Variants in EML4 observed in about 807,000 individuals in gnomAD.
EML4 encodes the protein echinoderm microtubule-associated protein-like 4.
Under a neutral mutation model 129.0 loss-of-function variants are expected in EML4, and 72 were observed. The ratio of observed to expected loss-of-function variants is 0.56; its 90% CI spans 0.46 to 0.68. The LOEUF is 0.68. EML4 is among the 30% of genes least tolerant of loss of function. The probability of loss-of-function intolerance (pLI) is 0.00; values close to 1 mark genes in which losing one functional copy is unlikely to be tolerated. For synonymous variants in EML4, 532 were observed against 405.0 expected, an observed-to-expected ratio of 1.31 and a Z score of -3.77; for missense variants, 1,363 against 1,190.6, an observed-to-expected ratio of 1.14 and a Z score of -2.13.
intron 17 of EML4, among the ~76,000 whole-genome samples, chr2:42,310,709 T>C (rs947242670): frequency 2.0e-5 from 3 of 152,226 alleles, no homozygotes; most frequent in African/African-American, 7.2e-5. Context: ...TAGTAAAAAC[T>C]TAAATATTTA....
intron 1 of EML4, among the ~76,000 whole-genome samples, chr2:42,195,099 C>A (rs1201545749): frequency 1.3e-5 from 2 of 151,936 alleles, no homozygotes; most frequent in Admixed American, 6.6e-5. Context: ...TTTTTTAGGT[C>A]AGAATTATGG....
Position 42,325,514 on chromosome 2 carries a change from G to A in EML4, c.2202G>A (p.Lys734=), listed in dbSNP as rs1558614384. The change falls in exon 20 of 23, where the codon AAG becomes AAA. Residue 734 remains lysine (K), a synonymous_variant. Coordinates refer to ENST00000318522, the MANE Select transcript of EML4 (RefSeq NM_019063.5). ...ITHLDWSPDN[K]YIMSNSGDYE... The stretch of plus-strand genomic sequence containing the variant: ...ACCTTGACTGGTCCCCAGACAACAA[G>A]TATATAATGTCTAACTCGGGAGACT... 6.4e-7 allele frequency: 1 copy of A among 1,572,812 alleles called. No homozygotes were observed. Among genetic ancestry groups the A allele is most frequent in the East Asian group, 2.3e-5 (1 of 43,758 alleles).
chr2:42,269,535 C>G (rs1405799792), intron 6 of EML4, among the ~76,000 whole-genome samples: 1 of 152,072 alleles, frequency 6.6e-6, no homozygotes, highest in East Asian at 1.9e-4. Flanking sequence ...CTTCATATGT[C>G]AGGAAGGTGA....
chr2:42,285,693 G>T (rs1237826040), intron 9 of EML4, among the ~76,000 whole-genome samples: 2 of 151,468 alleles, frequency 1.3e-5, no homozygotes, highest in Non-Finnish European at 2.9e-5. Context: ...GTGTCTCCCA[G>T]GTTCAAGCAA....
At chr2:42,304,649 G>C (rs1024680742) in intron 17 of EML4, 98 bp downstream of exon 17, 1 of 906,516 alleles carries the variant, frequency 1.1e-6, no homozygotes, top group Non-Finnish European at 1.8e-6. Context: ...AATCTCTTAA[G>C]TGGCACACTA....
chr2:42,278,905 T>C (rs1666816727), intron 6 of EML4, among the ~76,000 whole-genome samples: 1 of 150,914 alleles, frequency 6.6e-6, no homozygotes, highest in Non-Finnish European at 1.5e-5. Flanking sequence ...CATTGCACTC[T>C]AGCCTGGGCA....
chr2:42,200,895 A>C (rs1672191818), intron 1 of EML4, among the ~76,000 whole-genome samples: 1 of 152,156 alleles, frequency 6.6e-6, no homozygotes, highest in Non-Finnish European at 1.5e-5. Flanking sequence ...GCCCACTTAG[A>C]ATGCAGTTTA....
intron 21 of EML4, among the ~76,000 whole-genome samples, chr2:42,327,536 C>T (rs1201841693): frequency 6.6e-6 from 1 of 152,066 alleles, no homozygotes; most frequent in South Asian, 2.1e-4. Context: ...TGTCTAGTTG[C>T]CTTACACCAC....
At chr2:42,320,753 C>T (rs1249594587) in intron 19 of EML4, among the ~76,000 whole-genome samples, 3 of 151,998 alleles carry the variant, frequency 2.0e-5, no homozygotes, top group Non-Finnish European at 4.4e-5. Flanking sequence ...TATTATGTAC[C>T]TGAGTGTCAA....
chr2:42,257,120 GTA>G (rs1362213551), intron 3 of EML4, among the ~76,000 whole-genome samples: 1 of 152,106 alleles, frequency 6.6e-6, no homozygotes, highest in African/African-American at 2.4e-5. Flanking sequence ...GTGTGGGGGT[GTA>G]TGTGTGTGTG....
At chr2:42,312,367 A>G (rs1040150362) in intron 17 of EML4, among the ~76,000 whole-genome samples, 3 of 152,184 alleles carry the variant, frequency 2.0e-5, no homozygotes, top group Non-Finnish European at 4.4e-5. Context: ...ATAACCTCTT[A>G]GAATTCAGGA....
chr2:42,228,095 C>G (rs893056814), intron 1 of EML4, among the ~76,000 whole-genome samples: 2 of 152,090 alleles, frequency 1.3e-5, no homozygotes, highest in African/African-American at 4.8e-5. Context: ...GTGTCACGCA[C>G]CTATAATCCC....
At chr2:42,272,051 T>C (rs186182642) in intron 6 of EML4, among the ~76,000 whole-genome samples, 1,408 of 140,764 alleles carry the variant, frequency 0.01, 28 homozygotes, top group African/African-American at 0.035. Context: ...TGCAGTGAGC[T>C]GAGATCGCAC....
intron 3 of EML4, among the ~76,000 whole-genome samples, chr2:42,258,999 C>T (rs1324821115): frequency 6.6e-6 from 1 of 152,172 alleles, no homozygotes; most frequent in African/African-American, 2.4e-5. Flanking sequence ...GTAATCCCAG[C>T]ACTTTGGGAG....
chr2:42,295,590 A>T, intron 13 of EML4, 74 bp downstream of exon 13: 1 of 1,345,702 alleles, frequency 7.4e-7, no homozygotes, highest in South Asian at 1.5e-5. Flanking sequence ...CTCTTAGACC[A>T]GGAGAGAAAG....
At chr2:42,237,333 C>T (rs1250957684) in intron 1 of EML4, among the ~76,000 whole-genome samples, 2 of 152,174 alleles carry the variant, frequency 1.3e-5, no homozygotes, top group Non-Finnish European at 2.9e-5. Flanking sequence ...GACCAAACAT[C>T]TGAATTCCAT....
At chr2:42,278,640 A>G (rs1666800376) in intron 6 of EML4, among the ~76,000 whole-genome samples, 1 of 147,530 alleles carries the variant, frequency 6.8e-6, no homozygotes, top group Non-Finnish European at 1.5e-5. Flanking sequence ...TTTGTAAAAG[A>G]TGTGTAATAT....
intron 17 of EML4, among the ~76,000 whole-genome samples, chr2:42,313,137 A>G (rs1388075614): frequency 1.3e-5 from 2 of 150,222 alleles, no homozygotes; most frequent in Non-Finnish European, 3.0e-5. Flanking sequence ...CTTAGTAGAG[A>G]TGGGGTTTCA....
At chr2:42,206,991 AG>A (rs1245474132) in intron 1 of EML4, among the ~76,000 whole-genome samples, 2 of 152,202 alleles carry the variant, frequency 1.3e-5, no homozygotes, top group Non-Finnish European at 2.9e-5. Flanking sequence ...GCAGTTTTAT[AG>A]GGATCTATTT....
Sources: gnomAD v4.1 joint callset for allele counts (sites outside exome capture counted in the v4.1 genomes callset) on GRCh38, gnomAD v4.1.1 for gene constraint, MANE v1.5 for transcripts, NCBI Gene and HGNC (gene_info 2026-07-23, HGNC 2026-07-21) for gene names.